The following ELMO1 variants were observed in gnomAD, a reference collection of about 807,000 sequenced individuals.
The protein encoded by ELMO1 is engulfment and cell motility 1.
Under a neutral mutation model 98.9 loss-of-function variants are expected in ELMO1, and 26 were observed. The ratio of observed to expected loss-of-function variants is 0.26; its 90% CI spans 0.19 to 0.36. The LOEUF is 0.36. Ranked by LOEUF, ELMO1 falls within the 10% of genes least tolerant of loss-of-function variation. ELMO1 has a pLI of 1.00. For missense variants in ELMO1, 627 were observed against 935.2 expected (o/e 0.67, Z 4.30); for synonymous variants, 346 against 346.0 (o/e 1.00, Z 0.00).
chr7:37,223,325 G>A (rs867525678), intron 9 of ELMO1, among the ~76,000 whole-genome samples: 34 of 152,196 alleles, frequency 2.2e-4, no homozygotes, highest in African/African-American at 8.2e-4. Context: ...TGACTTATGA[G>A]CTACATTTAG....
chr7:36,964,815 C>T (rs982950999), intron 16 of ELMO1, among the ~76,000 whole-genome samples: 2 of 152,126 alleles, frequency 1.3e-5, no homozygotes, highest in South Asian at 2.1e-4. Context: ...TTTTGGAAGT[C>T]GAAGGAATAC....
chr7:37,402,861 T>C (rs1161687119), intron 1 of ELMO1, among the ~76,000 whole-genome samples: 1 of 152,222 alleles, frequency 6.6e-6, no homozygotes, highest in Non-Finnish European at 1.5e-5. Flanking sequence ...GGGGGAATGA[T>C]GTAACCACCT....
chr7:36,972,154 G>A (rs145444594), intron 16 of ELMO1, among the ~76,000 whole-genome samples: 67 of 152,256 alleles, frequency 4.4e-4, no homozygotes, highest in African/African-American at 1.5e-3. Flanking sequence ...TAAGAAGCAG[G>A]TATTATTATT....
At chr7:36,932,204 T>C (rs1459412714) in intron 16 of ELMO1, among the ~76,000 whole-genome samples, 2 of 152,202 alleles carry the variant, frequency 1.3e-5, no homozygotes, top group African/African-American at 4.8e-5. Flanking sequence ...GGTTCCCTCA[T>C]GGTACATGGC....
chr7:37,374,639 TACTTGG>T (rs1802255004), intron 1 of ELMO1, among the ~76,000 whole-genome samples: 2 of 151,978 alleles, frequency 1.3e-5, no homozygotes, highest in Non-Finnish European at 2.9e-5. Flanking sequence ...TAGTCCCAGC[TACTTGG>T]GAGGCTGAGG....
chr7:37,122,817 A>C (rs1279753250), intron 14 of ELMO1, among the ~76,000 whole-genome samples: 2 of 152,302 alleles, frequency 1.3e-5, no homozygotes, highest in East Asian at 3.9e-4. Context: ...TCCACCCCAA[A>C]TCAACAGAAT....
intron 5 of ELMO1, among the ~76,000 whole-genome samples, chr7:37,267,057 AC>A (rs1796302134): frequency 7.0e-6 from 1 of 143,704 alleles, no homozygotes. Context: ...ACACACACAC[AC>A]ACACACACAC....
chr7:37,168,451 T>C (rs2129740447), intron 13 of ELMO1, among the ~76,000 whole-genome samples: 1 of 152,304 alleles, frequency 6.6e-6, no homozygotes, highest in Middle Eastern at 3.4e-3. Context: ...CTCTGTTTTT[T>C]CCCCATCTTT....
chr7:36,976,281 C>A (rs1325870119), intron 16 of ELMO1, among the ~76,000 whole-genome samples: 1 of 152,228 alleles, frequency 6.6e-6, no homozygotes, highest in African/African-American at 2.4e-5. Context: ...TCTACTCATA[C>A]AGAATTTTAT....
intron 13 of ELMO1, among the ~76,000 whole-genome samples, chr7:37,195,968 A>G (rs1791941434): frequency 6.6e-6 from 1 of 152,254 alleles, no homozygotes; most frequent in South Asian, 2.1e-4. Context: ...GGCTCCATCT[A>G]TGAACAATAG....
At chr7:36,983,702 G>A (rs1006493464) in intron 16 of ELMO1, among the ~76,000 whole-genome samples, 1 of 152,196 alleles carries the variant, frequency 6.6e-6, no homozygotes. Context: ...CACAGTAAAT[G>A]CTCAGGACAG....
intron 13 of ELMO1, among the ~76,000 whole-genome samples, chr7:37,210,814 T>C (rs530544627): frequency 2.6e-5 from 4 of 152,132 alleles, no homozygotes; most frequent in African/African-American, 9.6e-5. Context: ...ATCGAGAATA[T>C]AGTGCAAACA....
intron 1 of ELMO1, chr7:37,435,237 A>G (rs568224407): frequency 2.6e-5 from 4 of 152,396 alleles, no homozygotes; most frequent in African/African-American, 9.6e-5. Flanking sequence ...GAAGAAAAAT[A>G]AAGAATATTT....
chr7:37,301,562 A>G (rs941540854), intron 4 of ELMO1, among the ~76,000 whole-genome samples: 1 of 12,968 alleles, frequency 7.7e-5, no homozygotes, highest in Admixed American at 7.8e-4. Flanking sequence ...CCACCCACCC[A>G]CCCCTCTCCA....
chr7:36,859,221 A>C (rs1045981431), intron 21 of ELMO1, among the ~76,000 whole-genome samples: 7 of 152,190 alleles, frequency 4.6e-5, no homozygotes, highest in African/African-American at 1.7e-4. Context: ...AAAAAACACA[A>C]ATGAGACAAT....
chr7:37,332,152 C>G (rs1800162441), intron 2 of ELMO1, among the ~76,000 whole-genome samples: 1 of 152,124 alleles, frequency 6.6e-6, no homozygotes, highest in African/African-American at 2.4e-5. Context: ...CACTGATTGT[C>G]TTTTAACTAC....
chr7:37,118,264 C>T (rs747461875), intron 14 of ELMO1, among the ~76,000 whole-genome samples: 1 of 152,146 alleles, frequency 6.6e-6, no homozygotes. Context: ...TGTTGTCCTG[C>T]GAGGGATCCA....
Position 36,971,863 on chromosome 7 carries a change from A to G in ELMO1, c.1437+41436T>C, listed in dbSNP as rs147746109. On this transcript the variant is annotated intron_variant, in intron 16 of 21. Transcript: ENST00000310758. Reference sequence around the variant, plus strand: ...CTATTCTCAAATATTAACTTTTCCAAGAATAAGACAGGATAAAACAAGAGA... The same window carrying G: ...CTATTCTCAAATATTAACTTTTCCAGGAATAAGACAGGATAAAACAAGAGA... Among the ~76,000 whole-genome samples, 258 of 152,340 alleles carry G rather than the reference A, an allele frequency of 1.7e-3. 1 individual carries two copies. Among genetic ancestry groups the G allele is most frequent in the African/African-American group, 5.9e-3 (247 of 41,570 alleles).
chr7:37,113,714 G>A (rs1785390575), intron 14 of ELMO1, among the ~76,000 whole-genome samples: 1 of 152,226 alleles, frequency 6.6e-6, no homozygotes, highest in South Asian at 2.1e-4. Flanking sequence ...TTTGAAGATA[G>A]GGCCTTTAAA....
Sources: gnomAD v4.1 joint callset for allele counts (sites outside exome capture counted in the v4.1 genomes callset) on GRCh38, gnomAD v4.1.1 for gene constraint, MANE v1.5 for transcripts, NCBI Gene and HGNC (gene_info 2026-07-23, HGNC 2026-07-21) for gene names.